Variants in SRPK2 observed in about 807,000 individuals in gnomAD.
SRPK2 encodes the protein SRSF protein kinase 2.
A neutral mutation model predicts 90.8 loss-of-function variants in SRPK2; 21 were observed. The ratio of observed to expected loss-of-function variants is 0.23; its 90% CI spans 0.16 to 0.33. The LOEUF (loss-of-function observed/expected upper bound fraction) is 0.33, where lower values mean the gene tolerates loss of function less well. Among genes scored for constraint, SRPK2 ranks in the 10% least tolerant of loss-of-function variants. The pLI is 1.00. For missense variants in SRPK2, 620 were observed against 869.0 expected, an observed-to-expected ratio of 0.71 and a Z score of 3.60; for synonymous variants, 288 against 311.1, an observed-to-expected ratio of 0.93 and a Z score of 0.78.
intron 2 of SRPK2, among the ~76,000 whole-genome samples, chr7:105,231,860 T>C (rs1260058736): frequency 6.6e-6 from 1 of 152,228 alleles, no homozygotes; most frequent in East Asian, 1.9e-4. Context: ...CTGTAGATTG[T>C]CCATTTACTC....
At chr7:105,114,918 G>A (rs1260945793), downstream of SRPK2, among the ~76,000 whole-genome samples, 2 of 152,172 alleles carry the variant, frequency 1.3e-5, no homozygotes, top group African/African-American at 4.8e-5. Flanking sequence ...ATTTAGTAAA[G>A]AAACATTTGT....
intron 7 of SRPK2, among the ~76,000 whole-genome samples, chr7:105,159,448 CAAAAAAAAAA>C (rs765544583): frequency 5.7e-4 from 19 of 33,142 alleles, no homozygotes; most frequent in Non-Finnish European, 6.9e-4. Context: ...ACTCCGTCTC[CAAAAAAAAAA>C]AAAAAAAAAA....
intron 2 of SRPK2, among the ~76,000 whole-genome samples, chr7:105,210,888 C>T (rs1348888894): frequency 2.0e-5 from 3 of 152,092 alleles, no homozygotes; most frequent in African/African-American, 4.8e-5. Context: ...CTAGGAGTGA[C>T]GGTGCTCCCT....
chr7:105,203,767 T>C lies in SRPK2; in HGVS notation c.90A>G (p.Lys30=). The C allele has an allele frequency of 6.3e-7, 1 of 1,595,796 alleles. No homozygotes were observed. Among genetic ancestry groups the C allele is most frequent in the Non-Finnish European group, 8.5e-7 (1 of 1,170,768 alleles). Residue 30 remains lysine, a synonymous_variant, in exon 3 of 16, where the codon AAA becomes AAG. Coordinates refer to ENST00000393651, the MANE Select transcript of SRPK2 (RefSeq NM_182692.3). ...KHPKKPEPQQ[K]APLVPPPPPP... ...GTGGAGGAGGAGGAACTAAAGGAGCTTTCTGTTGAGGCTCCGGCCTGAAAG... is the reference window on the plus strand; with the variant it reads ...GTGGAGGAGGAGGAACTAAAGGAGCCTTCTGTTGAGGCTCCGGCCTGAAAG...
intron 2 of SRPK2, among the ~76,000 whole-genome samples, chr7:105,291,752 A>T (rs951431610): frequency 2.6e-5 from 4 of 152,156 alleles, no homozygotes; most frequent in Non-Finnish European, 5.9e-5. Context: ...TCTCAAATAA[A>T]TAAAATAAAG....
At chr7:105,385,593 C>G (rs1192250496) in intron 2 of SRPK2, among the ~76,000 whole-genome samples, 1 of 152,160 alleles carries the variant, frequency 6.6e-6, no homozygotes, top group Non-Finnish European at 1.5e-5. Context: ...CTGGGCCACT[C>G]AGGCCACTCT....
intron 2 of SRPK2, among the ~76,000 whole-genome samples, chr7:105,361,624 GATAT>G (rs2132266640): frequency 6.6e-6 from 1 of 152,236 alleles, no homozygotes; most frequent in African/African-American, 2.4e-5. Context: ...TACCAAAACA[GATAT>G]ATAGATCAAT....
At chr7:105,379,924 G>A (rs947198219) in intron 2 of SRPK2, among the ~76,000 whole-genome samples, 1 of 152,090 alleles carries the variant, frequency 6.6e-6, no homozygotes, top group African/African-American at 2.4e-5. Context: ...GTTGCAGTGA[G>A]CTGAGATAGC....
At chr7:105,271,184 T>C (rs1034181047) in intron 2 of SRPK2, among the ~76,000 whole-genome samples, 3 of 152,194 alleles carry the variant, frequency 2.0e-5, no homozygotes, top group Admixed American at 2.0e-4. Context: ...CAACAAAAAG[T>C]TCACACTTCA....
intron 2 of SRPK2, among the ~76,000 whole-genome samples, chr7:105,315,037 GA>G (rs1229472158): frequency 7.2e-5 from 11 of 152,326 alleles, no homozygotes; most frequent in African/African-American, 2.6e-4. Context: ...AGCACTCTGG[GA>G]GGCTGAGGCA....
chr7:105,216,579 G>A (rs1245883126), intron 2 of SRPK2, among the ~76,000 whole-genome samples: 1 of 151,514 alleles, frequency 6.6e-6, no homozygotes, highest in Non-Finnish European at 1.5e-5. Context: ...ACTTTAACTC[G>A]GGAGGCAGAG....
intron 2 of SRPK2, among the ~76,000 whole-genome samples, chr7:105,309,523 A>G (rs1271700981): frequency 6.6e-6 from 1 of 152,220 alleles, no homozygotes; most frequent in African/African-American, 2.4e-5. Context: ...TTAATTAGCC[A>G]TTCAGAAAGC....
At chr7:105,174,768 C>T (rs147889602) in intron 3 of SRPK2, among the ~76,000 whole-genome samples, 274 of 152,252 alleles carry the variant, frequency 1.8e-3, no homozygotes, top group African/African-American at 6.2e-3. Flanking sequence ...CTACACTCAA[C>T]AACAAATACT....
At chr7:105,303,703 A>AT (rs765362588) in intron 2 of SRPK2, among the ~76,000 whole-genome samples, 1 of 152,188 alleles carries the variant, frequency 6.6e-6, no homozygotes, top group Non-Finnish European at 1.5e-5. Context: ...AGTATCTCTG[A>AT]TCCCTTAAAT....
intron 14 of SRPK2, 28 bp downstream of exon 14, chr7:105,126,965 G>GAGGTATTCAGCAGGC: frequency 6.2e-7 from 1 of 1,607,478 alleles, no homozygotes; most frequent in Non-Finnish European, 8.5e-7. Context: ...GACCTAGACC[G>GAGGTATTCAGCAGGC]AGGTATTCAG....
intron 3 of SRPK2, among the ~76,000 whole-genome samples, chr7:105,194,334 T>C (rs1367699637): frequency 6.6e-6 from 1 of 152,172 alleles, no homozygotes; most frequent in African/African-American, 2.4e-5. Flanking sequence ...TTACCACTTC[T>C]ATTCAACCTC....
chr7:105,350,641 C>T (rs1055598210), intron 2 of SRPK2, among the ~76,000 whole-genome samples: 3 of 151,446 alleles, frequency 2.0e-5, no homozygotes, highest in African/African-American at 7.3e-5. Context: ...TCTCCTGCCT[C>T]AGCCTCCCAG....
At position 105,142,471 on chromosome 7, in the gene SRPK2, T is replaced by C. The variant is rs768753650; in HGVS notation, c.1080A>G (p.Glu360=). ...AKDNGEAEDQ[E]EKEDAEKENI... ...TTTCTTTCTCAGCATCTTCTTTCTC[T>C]TCCTGGTCCTCAGCTTCACCTTAAG... The change falls in exon 11 of 16, where the codon GAA becomes GAG. Residue 360 remains glutamate (E), a synonymous_variant. Transcript: ENST00000393651. 2 of 1,610,676 alleles carry C rather than the reference T, an allele frequency of 1.2e-6. No individual in the cohort carries two copies. The highest frequency in any genetic ancestry group is 1.7e-6 in the Non-Finnish European group (2 of 1,178,698).
chr7:105,135,172 G>T (rs1802604480), intron 11 of SRPK2, among the ~76,000 whole-genome samples: 1 of 152,192 alleles, frequency 6.6e-6, no homozygotes, highest in South Asian at 2.1e-4. Context: ...GGAATTTGAG[G>T]TTTGAAAAAT....
Sources: gnomAD v4.1 joint callset for allele counts (sites outside exome capture counted in the v4.1 genomes callset) on GRCh38, gnomAD v4.1.1 for gene constraint, MANE v1.5 for transcripts, NCBI Gene and HGNC (gene_info 2026-07-23, HGNC 2026-07-21) for gene names.